The following NEGR1 variants were observed in gnomAD, a reference collection of about 807,000 sequenced individuals.
NEGR1 encodes the protein IgLON family member 4.
Under a neutral mutation model 40.9 loss-of-function variants are expected in NEGR1, and 10 were observed. That is an observed-to-expected ratio of 0.24 (90% CI 0.15 to 0.42). The LOEUF is 0.42. Among genes scored for constraint, NEGR1 ranks in the 10% least tolerant of loss-of-function variants. The probability of loss-of-function intolerance (pLI) is 1.00; values close to 1 mark genes in which losing one functional copy is unlikely to be tolerated. For missense variants in NEGR1, 352 were observed against 438.9 expected (o/e 0.80, Z 1.77); for synonymous variants, 185 against 166.8 (o/e 1.11, Z -0.84).
At chr1:72,044,277 C>T (rs1339925896) in intron 1 of NEGR1, among the ~76,000 whole-genome samples, 1 of 147,144 alleles carries the variant, frequency 6.8e-6, no homozygotes, top group Non-Finnish European at 1.5e-5. Context: ...CCTCAATATT[C>T]TGTAAGTTCA....
intron 2 of NEGR1, among the ~76,000 whole-genome samples, chr1:71,859,507 G>A (rs531019151): frequency 9.2e-5 from 14 of 152,110 alleles, no homozygotes; most frequent in African/African-American, 3.1e-4. Flanking sequence ...GACACACACT[G>A]TAGAGTTTTG....
intron 2 of NEGR1, among the ~76,000 whole-genome samples, chr1:71,853,475 T>C (rs72678986): frequency 7.0e-4 from 107 of 152,242 alleles, no homozygotes; most frequent in Middle Eastern, 3.4e-3. Context: ...CAAAGACAAT[T>C]GTGTCCAGTA....
At chr1:71,620,833 A>C (rs1055892493) in intron 4 of NEGR1, among the ~76,000 whole-genome samples, 1 of 151,946 alleles carries the variant, frequency 6.6e-6, no homozygotes, top group East Asian at 1.9e-4. Context: ...GTAAAAAAGC[A>C]CTGCTTTGCA....
At chr1:71,677,377 A>G (rs921826909) in intron 4 of NEGR1, among the ~76,000 whole-genome samples, 2 of 152,188 alleles carry the variant, frequency 1.3e-5, no homozygotes, top group Non-Finnish European at 2.9e-5. Flanking sequence ...AATCCAATTC[A>G]TAGCACTGTC....
intron 1 of NEGR1, among the ~76,000 whole-genome samples, chr1:72,206,893 T>C (rs865799830): frequency 2.6e-5 from 4 of 151,782 alleles, no homozygotes; most frequent in Admixed American, 6.6e-5. Flanking sequence ...ATCAAAGAGA[T>C]TGCAGTGGTA....
At chr1:71,597,402 G>A (rs1336612815) in intron 5 of NEGR1, among the ~76,000 whole-genome samples, 1 of 115,594 alleles carries the variant, frequency 8.7e-6, no homozygotes, top group African/African-American at 3.0e-5. Context: ...TCTCAAGGAT[G>A]GAGTTTTATT....
intron 1 of NEGR1, among the ~76,000 whole-genome samples, chr1:72,077,501 G>C (rs750176470): frequency 1.3e-5 from 2 of 151,922 alleles, no homozygotes; most frequent in African/African-American, 2.4e-5. Flanking sequence ...CTTTAAAATT[G>C]TATTTTTGCT....
At chr1:72,248,226 TACTC>T in intron 1 of NEGR1, among the ~76,000 whole-genome samples, 1 of 152,248 alleles carries the variant, frequency 6.6e-6, no homozygotes, top group African/African-American at 2.4e-5. Context: ...AACCAATAGA[TACTC>T]AGTCTTTGAC....
rs1198173313 is a variant in NEGR1, at chr1:71,942,272, T to A, written c.177-6961A>T. ...AATCCTCGAACATCTTAAAACATTT[T>A]TACATTGTAAATTAGATGGGAAAAA... On this transcript the variant is annotated intron_variant, in intron 1 of 6. Transcript: ENST00000357731. Among the ~76,000 whole-genome samples, 4 of 150,578 alleles carry A rather than the reference T, an allele frequency of 2.7e-5. No homozygotes were observed. In the East Asian group the frequency reaches 7.8e-4, roughly 29 times the overall value.
intron 1 of NEGR1, among the ~76,000 whole-genome samples, chr1:72,166,931 G>A (rs776639284): frequency 2.0e-5 from 3 of 151,944 alleles, no homozygotes; most frequent in Non-Finnish European, 4.4e-5. Context: ...TAATATTCCA[G>A]AGAATACTTA....
chr1:72,226,901 T>C (rs1159312897), intron 1 of NEGR1, among the ~76,000 whole-genome samples: 2 of 152,106 alleles, frequency 1.3e-5, no homozygotes, highest in African/African-American at 2.4e-5. Context: ...ATTATTGTCA[T>C]ATTAGAGTAG....
At chr1:72,240,141 C>T (rs376482364) in intron 1 of NEGR1, among the ~76,000 whole-genome samples, 1 of 151,806 alleles carries the variant, frequency 6.6e-6, no homozygotes, top group Admixed American at 6.6e-5. Context: ...GGTGACATCG[C>T]TAATGCTTAA....
chr1:71,831,358 G>A (rs1328794510), intron 2 of NEGR1, among the ~76,000 whole-genome samples: 1 of 151,924 alleles, frequency 6.6e-6, no homozygotes, highest in East Asian at 1.9e-4. Flanking sequence ...GATTGTTTGA[G>A]TGGATAAAAG....
rs1557439016 is a variant in NEGR1, at chr1:71,928,356, A to ATG, written c.409+6722_409+6723insCA. On this transcript the variant is annotated intron_variant, in intron 2 of 6. Transcript: ENST00000357731. ...TGTATATATACACACATGTGTATAT[A>ATG]TATATACACATATGTATATATGTAT... 1.5e-4 allele frequency among the ~76,000 whole-genome samples: 11 copies of ATG among 74,924 alleles called. 1 individual carries two copies. Among genetic ancestry groups the ATG allele is most frequent in the African/African-American group, 6.2e-4 (10 of 16,118 alleles). The allele number at this position is 74,924 out of a possible 152,430, so 49.2% of individuals were successfully genotyped here.
intron 4 of NEGR1, among the ~76,000 whole-genome samples, chr1:71,663,265 G>GT (rs1414166251): frequency 5.9e-5 from 9 of 151,902 alleles, no homozygotes; most frequent in African/African-American, 1.9e-4. Flanking sequence ...CCATTTTTTA[G>GT]TTTTTTTATA....
intron 3 of NEGR1, among the ~76,000 whole-genome samples, chr1:71,720,875 T>C (rs1376735729): frequency 2.0e-5 from 3 of 152,176 alleles, no homozygotes; most frequent in Non-Finnish European, 4.4e-5. Flanking sequence ...ATTCTTTCAC[T>C]ACAGAAAATC....
chr1:71,674,504 A>G (rs1195466590), intron 4 of NEGR1, among the ~76,000 whole-genome samples: 4 of 152,072 alleles, frequency 2.6e-5, no homozygotes, highest in Non-Finnish European at 5.9e-5. Flanking sequence ...GTATTACATT[A>G]GCTATATAAC....
rs1326659569 is a variant in NEGR1 at position 71,962,702 on chromosome 1, T to TAA, written c.177-27393_177-27392dup. Among the ~76,000 whole-genome samples the TAA allele has an allele frequency of 5.3e-5, 8 of 152,008 alleles. No homozygotes were observed. In the East Asian group the frequency reaches 1.5e-3, roughly 29 times the overall value. On this transcript the variant is annotated intron_variant, in intron 1 of 6. Transcript: ENST00000357731. ...TAGAAGAATAAAAAATGTCTCACGT[T>TAA]AACTTCTCTCAAAAAATACACTGTT...
chr1:72,248,019 AG>A (rs1654957555), intron 1 of NEGR1, among the ~76,000 whole-genome samples: 1 of 151,976 alleles, frequency 6.6e-6, no homozygotes, highest in Admixed American at 6.6e-5. Context: ...CGGCAGGGAG[AG>A]GTACCACAGA....
Sources: allele counts gnomAD v4.1 joint callset (sites outside exome capture counted in the v4.1 genomes callset), GRCh38; gene constraint gnomAD v4.1.1; transcripts MANE v1.5; gene names NCBI Gene and HGNC (gene_info 2026-07-23, HGNC 2026-07-21).